NLGN2: variants seen among roughly 807,000 people sequenced by gnomAD.
NLGN2 encodes neuroligin 2.
NLGN2 carries 11 observed loss-of-function variants against 48.6 expected under a neutral mutation model. The ratio of observed to expected loss-of-function variants is 0.23; its 90% confidence interval spans 0.14 to 0.37. The LOEUF (loss-of-function observed/expected upper bound fraction) is 0.37, where lower values mean the gene tolerates loss of function less well. NLGN2 is among the 10% of genes least tolerant of loss of function. NLGN2 has a pLI of 1.00. For missense variants in NLGN2, 801 were observed against 1,225.2 expected (o/e 0.65, Z 5.17); for synonymous variants, 548 against 550.0 (o/e 1.00, Z 0.05).
intron 1 of NLGN2, among the ~76,000 whole-genome samples, chr17:7,409,357 C>G (rs11654918): frequency 0.2 from 30,615 of 151,902 alleles, 3,698 homozygotes; most frequent in Middle Eastern, 0.3. Context: ...CACCCGTCTT[C>G]CCTGGGGCTC....
chr17:7,417,518 G>C lies in NLGN2; in HGVS notation c.2227G>C (p.Val743Leu). The change falls in exon 7 of 7, where the codon GTG becomes CTG. Residue 743 changes from valine to leucine, a missense_variant. Physicochemically the swap from Val to Leu is conservative, Grantham distance 32. Around this residue, in one of 5 missense-constraint regions of NLGN2, gnomAD observed 276 missense variants for 313.9 expected, o/e 0.88. Transcript: ENST00000302926. ...TGAGCTGCCACCAGAGGAGGAGCTG[G>C]TGTCACTGCAGCTGAAGCGGGGTGG... ...GRELPPEEEL[V>L]SLQLKRGGGV... 1 of 1,502,686 alleles carries C rather than the reference G, an allele frequency of 6.7e-7. No homozygotes were observed. The highest frequency in any genetic ancestry group is 8.9e-7 in the Non-Finnish European group (1 of 1,129,430). The allele number at this position is 1,502,686 out of a possible 1,614,324, so 93.1% of individuals were successfully genotyped here. A position where few individuals can be genotyped will look rare whatever the true frequency, so the allele number is the denominator to read the frequency against.
upstream of NLGN2, among the ~76,000 whole-genome samples, chr17:7,405,893 G>C (rs1279998803): frequency 6.6e-6 from 1 of 152,176 alleles, no homozygotes; most frequent in African/African-American, 2.4e-5. The surrounding 1 kb of genome is among the most constrained non-coding windows in gnomAD (Gnocchi z 6.8). Context: ...ACTGCAGGAA[G>C]GGGGGGCCTG....
chr17:7,415,813 G>A lies in NLGN2; in HGVS notation c.1340G>A (p.Arg447His), dbSNP rs1449687011. Residue 447 changes from arginine to histidine, a missense_variant, in exon 6 of 7, where the codon CGC (arginine) becomes CAC (histidine). Around this residue, in one of 5 missense-constraint regions of NLGN2, gnomAD observed 303 missense variants for 600.1 expected, o/e 0.50. Transcript: ENST00000302926. ...DWADRDNGEM[R>H]RKTLLALFTD... ...GCCGACCGGGACAATGGCGAAATGC[G>A]CCGCAAAACCCTGCTGGCGCTCTTT... is the stretch of plus-strand genomic sequence containing the variant. 3 of 1,613,906 alleles carry A rather than the reference G, an allele frequency of 1.9e-6. No individual in the cohort carries two copies. The highest frequency in any genetic ancestry group is 2.5e-6 in the Non-Finnish European group (3 of 1,180,006).
Position 7,408,450 on chromosome 17 carries a change from C to T in NLGN2, c.195C>T (p.Pro65=). The T allele has an allele frequency of 6.4e-7, 1 of 1,565,398 alleles. No homozygotes were observed. Among genetic ancestry groups the T allele is most frequent in the Non-Finnish European group, 8.6e-7 (1 of 1,160,232 alleles). Residue 65 remains proline (P), a synonymous_variant, in exon 1 of 7, where the codon CCC becomes CCT. Coordinates refer to ENST00000302926, the MANE Select transcript of NLGN2 (RefSeq NM_020795.4). The surrounding 1 kb of genome is among the most constrained non-coding windows in gnomAD (Gnocchi z 7.5). ...RRELNNEILG[P]VVQFLGVPYA... is the part of the protein sequence containing the mutation. Reference sequence around the variant, plus strand: ...AGCTCAACAACGAGATCCTGGGCCCCGTCGTGCAGTTCTTGGGCGTGCCCT... The same window carrying T: ...AGCTCAACAACGAGATCCTGGGCCCTGTCGTGCAGTTCTTGGGCGTGCCCT...
chr17:7,417,384 A>G lies in NLGN2; in HGVS notation c.2093A>G (p.Tyr698Cys), dbSNP rs1338852931. ...AACATCCTGGCCTTTGCTGCCCTCT[A>G]CTACAAGCGGGACCGGCGGCAGGAG... ...FLNILAFAAL[Y>C]YKRDRRQELR... Residue 698 changes from tyrosine to cysteine, a missense_variant, in exon 7 of 7, where the codon TAC becomes TGC. Transcript: ENST00000302926. 2 of 1,610,882 alleles carry G rather than the reference A, an allele frequency of 1.2e-6. No individual in the cohort carries two copies. The highest frequency in any genetic ancestry group is 1.7e-6 in the Non-Finnish European group (2 of 1,178,926).
In NLGN2 at chr17:7,417,646, C is replaced by T. The variant is rs1247402986; in HGVS notation, c.2355C>T (p.Pro785=). Residue 785 remains proline (P), a synonymous_variant, in exon 7 of 7, where the codon CCC becomes CCT. Coordinates refer to ENST00000302926, the MANE Select transcript of NLGN2 (RefSeq NM_020795.4). ...RAPDDVPLLA[P]GALTLLPSGL... ...CGGACGATGTGCCTCTCTTGGCCCCCGGGGCCCTGACCCTGCTGCCCAGTG... is the reference window on the plus strand; with the variant it reads ...CGGACGATGTGCCTCTCTTGGCCCCTGGGGCCCTGACCCTGCTGCCCAGTG... The T allele has an allele frequency of 8.6e-6, 12 of 1,403,050 alleles. No homozygotes were observed. Among genetic ancestry groups the T allele is most frequent in the East Asian group, 2.9e-5 (1 of 34,930 alleles). 86.9% of individuals were successfully genotyped at this position (1,403,050 alleles called of 1,614,324 possible).
chr17:7,412,879 C>T (rs1906954750), intron 2 of NLGN2, among the ~76,000 whole-genome samples: 1 of 144,276 alleles, frequency 6.9e-6, no homozygotes, highest in Non-Finnish European at 1.5e-5. Context: ...GAGCTTCTTG[C>T]TTTTTGGTTG....
chr17:7,414,877 C>T, intron 4 of NLGN2, 29 bp downstream of exon 4: 1 of 1,613,848 alleles, frequency 6.2e-7, no homozygotes, highest in Non-Finnish European at 8.5e-7. Flanking sequence ...CCTGTTCCAC[C>T]CTTCCCAACC....
chr17:7,417,337 G>A lies in NLGN2; in HGVS notation c.2046G>A (p.Val682=). 6.2e-7 allele frequency: 1 copy of A among 1,610,998 alleles called. No individual in the cohort carries two copies. Among genetic ancestry groups the A allele is most frequent in the Non-Finnish European group, 8.5e-7 (1 of 1,179,076 alleles). ...YSTELSVTVA[V]GASLLFLNIL... ...CGGAGCTGAGCGTCACCGTGGCCGT[G>A]GGTGCCTCCCTCCTCTTCCTCAACA... The change falls in exon 7 of 7, where the codon GTG becomes GTA. Residue 682 remains valine (V), a synonymous_variant. Transcript: ENST00000302926.
At chr17:7,412,052 C>CCTTTTTTTTTT in intron 1 of NLGN2, 105 bp from the exon 2 acceptor site, 5 of 501,680 alleles carry the variant, frequency 1.0e-5, no homozygotes, top group South Asian at 2.0e-5. Flanking sequence ...CCACCCTCCC[C>CCTTTTTTTTTT]TTTTCTGCTT....
At chr17:7,406,855 G>A (rs888538691), upstream of NLGN2, among the ~76,000 whole-genome samples, 2 of 152,092 alleles carry the variant, frequency 1.3e-5, no homozygotes, top group Non-Finnish European at 2.9e-5. Flanking sequence ...GGGTCACAAT[G>A]GCTTGCAAAG....
chr17:7,404,701 C>T (rs933201640), upstream of NLGN2, among the ~76,000 whole-genome samples: 2 of 152,244 alleles, frequency 1.3e-5, no homozygotes, highest in Non-Finnish European at 2.9e-5. Flanking sequence ...ATGTCTCCAC[C>T]CTGCCCTGGC....
Position 7,413,657 on chromosome 17 carries a change from AG to A in NLGN2, c.509-684del, listed in dbSNP as rs1906984493. ...CGGGAAGGAGCCCAGTGCAGAACCC[AG>A]GGCTCAGGCCAGTTTGGGGGTGTCC... On this transcript the variant is annotated intron_variant, in intron 2 of 6. Coordinates refer to ENST00000302926, the MANE Select transcript of NLGN2 (RefSeq NM_020795.4). This position sits in a 1 kb window ranked among gnomAD's most constrained non-coding sequence, Gnocchi z 4.9. 6.6e-6 allele frequency among the ~76,000 whole-genome samples: 1 copy of A among 152,126 alleles called. No homozygotes were observed. Among genetic ancestry groups the A allele is most frequent in the African/African-American group, 2.4e-5 (1 of 41,414 alleles).
In NLGN2 at chr17:7,411,118, T is replaced by G. The variant is rs1273396054; in HGVS notation, c.458-1039T>G. On this transcript the variant is annotated intron_variant, in intron 1 of 6. Coordinates refer to ENST00000302926, the MANE Select transcript of NLGN2 (RefSeq NM_020795.4). This position sits in a 1 kb window ranked among gnomAD's most constrained non-coding sequence, Gnocchi z 4.5. The stretch of plus-strand genomic sequence containing the variant: ...CGTAATCTGGAAGAAGCCCTGACAC[T>G]GGGCGAACCTGGTGCTCCCGGTACC... 6.6e-6 allele frequency among the ~76,000 whole-genome samples: 1 copy of G among 152,226 alleles called. No homozygotes were observed. Among genetic ancestry groups the G allele is most frequent in the East Asian group, 1.9e-4 (1 of 5,194 alleles).
chr17:7,412,310 G>A (rs563817858), intron 2 of NLGN2, 103 bp downstream of exon 2: 79 of 791,266 alleles, frequency 1.0e-4, no homozygotes, highest in Non-Finnish European at 1.5e-4. Flanking sequence ...CCCCTCAGTC[G>A]TTCTCCCAAC....
rs1224052180 is a variant in NLGN2 at position 7,414,457 on chromosome 17, A to G, written c.622A>G (p.Ile208Val). 3 of 1,614,058 alleles carry G rather than the reference A, an allele frequency of 1.9e-6. No homozygotes were observed. Among genetic ancestry groups the G allele is most frequent in the South Asian group, 1.1e-5 (1 of 91,078 alleles). The change falls in exon 3 of 7, where the codon ATT becomes GTT. Residue 208 changes from isoleucine (I) to valine (V), a missense_variant. Ile to Val is a conservative substitution (Grantham distance 29, BLOSUM62 3). Around this residue, in one of 5 missense-constraint regions of NLGN2, gnomAD observed 303 missense variants for 600.1 expected, o/e 0.50. Coordinates refer to ENST00000302926, the MANE Select transcript of NLGN2 (RefSeq NM_020795.4). ...AGTCCTGGCTGCCTATGGCAACGTC[A>G]TTGTAGCCACGCTCAACTACCGTCT... ...GSVLAAYGNV[I>V]VATLNYRLGV...
rs1324046525 is a variant in NLGN2 at position 7,411,481 on chromosome 17, T to C, written c.458-676T>C. Among the ~76,000 whole-genome samples the C allele has an allele frequency of 6.6e-6, 1 of 152,166 alleles. No homozygotes were observed. On this transcript the variant is annotated intron_variant, in intron 1 of 6. Coordinates refer to ENST00000302926, the MANE Select transcript of NLGN2 (RefSeq NM_020795.4). The surrounding 1 kb of genome is among the most constrained non-coding windows in gnomAD (Gnocchi z 4.5). ...AGACGAGAAGTGCTGGTGGTGAGGC[T>C]GGGTAGCGGGCGGGCAGCCCCAGCT...
chr17:7,406,599 G>A (rs566965276), upstream of NLGN2, among the ~76,000 whole-genome samples: 32 of 142,530 alleles, frequency 2.2e-4, no homozygotes, highest in South Asian at 2.1e-3. Flanking sequence ...GCGGGCTGGC[G>A]CCTGGCTCTG....
chr17:7,408,227 A>G lies in NLGN2; in HGVS notation c.-29A>G, dbSNP rs1376328734. ...TCTCTCTCCGAGGGGGGGGGGTCCC[A>G]GGGAGGGAGGGGGGGTCCCCCGATC... is the stretch of plus-strand genomic sequence containing the variant. On this transcript the variant is annotated 5_prime_UTR_variant, in exon 1 of 7. Coordinates refer to ENST00000302926, the MANE Select transcript of NLGN2 (RefSeq NM_020795.4). This position sits in a 1 kb window ranked among gnomAD's most constrained non-coding sequence, Gnocchi z 7.5. 2.9e-6 allele frequency: 3 copies of G among 1,037,390 alleles called. No individual in the cohort carries two copies. The highest frequency in any genetic ancestry group is 3.7e-5 in the East Asian group (1 of 26,858). The allele number at this position is 1,037,390 out of a possible 1,614,324, so 64.3% of individuals were successfully genotyped here.
Sources: allele counts gnomAD v4.1 joint callset (sites outside exome capture counted in the v4.1 genomes callset), GRCh38; gene constraint gnomAD v4.1.1; regional missense constraint gnomAD v4.1.1; non-coding constraint Gnocchi (gnomAD v3.1); transcripts MANE v1.5; gene names NCBI Gene and HGNC (gene_info 2026-07-23, HGNC 2026-07-21).